The following ERI3 variants were observed in gnomAD, a reference collection of about 807,000 sequenced individuals.
The protein encoded by ERI3 is ERI1 exoribonuclease family member 3, also known as ERI1 exoribonuclease 3.
Under a neutral mutation model 44.4 loss-of-function variants are expected in ERI3, and 18 were observed. The ratio of observed to expected loss-of-function variants is 0.41; its 90% CI spans 0.28 to 0.60. ERI3 has a LOEUF of 0.60. Among genes scored for constraint, ERI3 ranks in the 20% least tolerant of loss-of-function variants. The probability of loss-of-function intolerance (pLI) is 0.36; values close to 1 mark genes in which losing one functional copy is unlikely to be tolerated. For synonymous variants in ERI3, 183 were observed against 164.8 expected, an observed-to-expected ratio of 1.11 and a Z score of -0.84; for missense variants, 294 against 435.5, an observed-to-expected ratio of 0.68 and a Z score of 2.89.
intron 2 of ERI3, among the ~76,000 whole-genome samples, chr1:44,340,973 T>A (rs1646640986): frequency 1.3e-5 from 2 of 152,220 alleles, no homozygotes; most frequent in Non-Finnish European, 2.9e-5. Flanking sequence ...ACCAGTCTGC[T>A]CAAATTACCC....
chr1:44,270,827 TC>T (rs768519816), intron 7 of ERI3, among the ~76,000 whole-genome samples: 104 of 152,278 alleles, frequency 6.8e-4, no homozygotes, highest in Non-Finnish European at 1.3e-3. Context: ...CTTGCTTCTT[TC>T]CCCTGTGTGG....
At chr1:44,238,233 CG>C (rs1275765517) in intron 8 of ERI3, among the ~76,000 whole-genome samples, 1 of 152,100 alleles carries the variant, frequency 6.6e-6, no homozygotes, top group Non-Finnish European at 1.5e-5. Context: ...TTTATGGCTG[CG>C]GCAGGCGGGG....
intron 7 of ERI3, among the ~76,000 whole-genome samples, chr1:44,260,686 T>C (rs938870957): frequency 1.3e-5 from 2 of 152,172 alleles, no homozygotes; most frequent in Non-Finnish European, 2.9e-5. Context: ...ACTGGATTTC[T>C]TAGGTCTCTT....
At chr1:44,319,056 C>T (rs912264659) in intron 4 of ERI3, among the ~76,000 whole-genome samples, 25 of 152,232 alleles carry the variant, frequency 1.6e-4, no homozygotes, top group African/African-American at 4.6e-4. Flanking sequence ...GCAACCAATA[C>T]TAACCTGCTG....
intron 2 of ERI3, among the ~76,000 whole-genome samples, chr1:44,347,698 C>T (rs1470371221): frequency 1.3e-5 from 2 of 151,388 alleles, no homozygotes; most frequent in Non-Finnish European, 2.9e-5. Flanking sequence ...AGGTATGTTT[C>T]TTCTACTACC....
intron 8 of ERI3, chr1:44,230,610 C>T (rs11589181): frequency 0.14 from 21,412 of 152,294 alleles, 1,871 homozygotes; most frequent in Non-Finnish European, 0.19. Flanking sequence ...CCCGGGCAGC[C>T]GCAAAGTTCC....
At chr1:44,295,469 C>T (rs761016173) in intron 6 of ERI3, among the ~76,000 whole-genome samples, 1 of 152,172 alleles carries the variant, frequency 6.6e-6, no homozygotes, top group Non-Finnish European at 1.5e-5. Flanking sequence ...TAGTCCCCAG[C>T]ACAGTACTTA....
intron 1 of ERI3, chr1:44,353,366 G>A: frequency 1.0e-6 from 1 of 985,410 alleles, no homozygotes; most frequent in Non-Finnish European, 1.2e-6. Flanking sequence ...ACACTTTCAG[G>A]ATAGTTCCAA....
intron 2 of ERI3, among the ~76,000 whole-genome samples, chr1:44,342,567 C>CAT (rs953760393): frequency 1.3e-5 from 2 of 151,172 alleles, no homozygotes; most frequent in African/African-American, 4.9e-5. Context: ...CACACATATG[C>CAT]ATATATATTT....
At chr1:44,351,545 CAG>C (rs1325357743) in intron 2 of ERI3, among the ~76,000 whole-genome samples, 4 of 152,200 alleles carry the variant, frequency 2.6e-5, no homozygotes, top group Non-Finnish European at 4.4e-5. Flanking sequence ...TGCATAACTG[CAG>C]AGTTTAGTAG....
chr1:44,310,270 G>C (rs1297094109), intron 5 of ERI3, among the ~76,000 whole-genome samples: 1 of 152,198 alleles, frequency 6.6e-6, no homozygotes, highest in Non-Finnish European at 1.5e-5. Flanking sequence ...ATTGAACTAG[G>C]AGCCTGACAT....
At chr1:44,320,613 G>A (rs1031375230) in intron 3 of ERI3, among the ~76,000 whole-genome samples, 2 of 152,152 alleles carry the variant, frequency 1.3e-5, no homozygotes, top group African/African-American at 2.4e-5. Context: ...GGGAAAGCGA[G>A]GAGAGAGAAT....
rs775296091 is a variant in ERI3, at chr1:44,308,408, A to T, written c.667-7T>A. Reference sequence around the variant, plus strand: ...CCATCCATTCATCGACCCTCTGAAAAGTACACAAGAACAAATGAGATTTTC... The same window carrying T: ...CCATCCATTCATCGACCCTCTGAAATGTACACAAGAACAAATGAGATTTTC... On this transcript the variant is annotated splice_polypyrimidine_tract_variant and splice_region_variant and intron_variant, in intron 5 of 8. Transcript: ENST00000372257. The T allele has an allele frequency of 6.2e-7, 1 of 1,612,382 alleles. No homozygotes were observed. The highest frequency in any genetic ancestry group is 8.5e-7 in the Non-Finnish European group (1 of 1,178,492).
chr1:44,311,615 T>C (rs1226633396), intron 5 of ERI3, among the ~76,000 whole-genome samples: 2 of 152,156 alleles, frequency 1.3e-5, no homozygotes, highest in African/African-American at 4.8e-5. Context: ...GGTTGCCTCC[T>C]CAAGACCACA....
chr1:44,267,973 A>G (rs1344370058), intron 7 of ERI3, among the ~76,000 whole-genome samples: 1 of 152,232 alleles, frequency 6.6e-6, no homozygotes, highest in African/African-American at 2.4e-5. Context: ...TCATCGGGGT[A>G]GCTCAAAGCT....
At chr1:44,284,775 G>T in intron 7 of ERI3, 60 bp downstream of exon 7, 1 of 1,260,384 alleles carries the variant, frequency 7.9e-7, no homozygotes, top group South Asian at 1.2e-5. Flanking sequence ...AGCAAAGGAC[G>T]GGAGCTCTGA....
chr1:44,310,947 C>T (rs1373612950), intron 5 of ERI3, among the ~76,000 whole-genome samples: 3 of 127,916 alleles, frequency 2.3e-5, no homozygotes, highest in African/African-American at 5.8e-5. Context: ...CATGTATGTG[C>T]ACATCGCGCG....
chr1:44,284,904 G>T lies in ERI3; in HGVS notation c.762C>A (p.Leu254=), dbSNP rs755676905. ...TCGDWDLKVM[L]PGQCQYLGLP... is the part of the protein sequence containing the mutation. The stretch of plus-strand genomic sequence containing the variant: ...AGCCCAAGTACTGGCACTGGCCTGG[G>T]AGCCTACAAAAAAAAGGGAAGAGAG... The change falls in exon 7 of 9, where the codon CTC becomes CTA. Residue 254 remains leucine, a synonymous_variant. Transcript: ENST00000372257. 6.2e-6 allele frequency: 10 copies of T among 1,613,846 alleles called. 1 individual carries two copies. In the Admixed American group the frequency reaches 1.5e-4, roughly 24 times the overall value.
At chr1:44,304,264 T>C (rs181729146) in intron 6 of ERI3, among the ~76,000 whole-genome samples, 235 of 152,208 alleles carry the variant, frequency 1.5e-3, no homozygotes, top group African/African-American at 5.1e-3. Flanking sequence ...CAGAGGATAG[T>C]TGAAGCTATG....
Sources: allele counts gnomAD v4.1 joint callset (sites outside exome capture counted in the v4.1 genomes callset), GRCh38; gene constraint gnomAD v4.1.1; transcripts MANE v1.5; gene names NCBI Gene and HGNC (gene_info 2026-07-23, HGNC 2026-07-21).